Variants in MPP4 observed in about 807,000 individuals in gnomAD.
MPP4 encodes MAGUK p55 subfamily member 4.
Under a neutral mutation model 98.3 loss-of-function variants are expected in MPP4, and 91 were observed. The ratio of observed to expected loss-of-function variants is 0.93; its 90% CI spans 0.78 to 1.10. The LOEUF (loss-of-function observed/expected upper bound fraction) is 1.10. Among genes scored for constraint, MPP4 ranks in the 50% least tolerant of loss-of-function variants. The pLI, the probability that MPP4 is intolerant of heterozygous loss-of-function variation, is 0.00. For synonymous variants in MPP4, 261 were observed against 271.8 expected (o/e 0.96, Z 0.39); for missense variants, 744 against 792.9 (o/e 0.94, Z 0.74).
rs1689109946 is a variant in MPP4 at position 201,694,061 on chromosome 2, T to C, written c.-100-7A>G. The C allele has an allele frequency of 3.1e-6, 5 of 1,604,496 alleles. No individual in the cohort carries two copies. The highest frequency in any genetic ancestry group is 4.3e-6 in the Non-Finnish European group (5 of 1,175,042). ...GCCACCAGCTCTCAGCACACTGGAATATATTTTCAATAGCATTTCCTCAGC... is the reference window on the plus strand; with the variant it reads ...GCCACCAGCTCTCAGCACACTGGAACATATTTTCAATAGCATTTCCTCAGC... On this transcript the variant is annotated splice_region_variant and splice_polypyrimidine_tract_variant and intron_variant, in intron 1 of 21. Coordinates refer to ENST00000409474, the MANE Select transcript of MPP4 (RefSeq NM_033066.3).
At chr2:201,647,194 C>T (rs1279478235) in intron 21 of MPP4, among the ~76,000 whole-genome samples, 1 of 152,148 alleles carries the variant, frequency 6.6e-6, no homozygotes, top group South Asian at 2.1e-4. Context: ...TCTATTATTA[C>T]CATCATCATT....
At chr2:201,649,552 A>G in intron 20 of MPP4, 24 bp downstream of exon 20, 1 of 1,536,498 alleles carries the variant, frequency 6.5e-7, no homozygotes, top group Non-Finnish European at 8.9e-7. Flanking sequence ...GTTTGGGGAC[A>G]TAAATATTCC....
At chr2:201,685,624 A>G (rs139693265) in intron 6 of MPP4, among the ~76,000 whole-genome samples, 81 of 152,394 alleles carry the variant, frequency 5.3e-4, no homozygotes, top group South Asian at 2.1e-3. Context: ...TGCATAGGTC[A>G]GAAAGCCAAA....
chr2:201,658,405 A>T lies in MPP4; in HGVS notation c.1129+72T>A, dbSNP rs1687920089. On this transcript the variant is annotated intron_variant, in intron 16 of 21. Coordinates refer to ENST00000409474, the MANE Select transcript of MPP4 (RefSeq NM_033066.3). ...ATGTTCATTAGCAAAAGAAACTTTC[A>T]AAACAGTGTCAGGTTTGGAAACATA... 4 of 1,330,792 alleles carry T rather than the reference A, an allele frequency of 3.0e-6. No homozygotes were observed. The African/African-American group carries it at 5.9e-5, about 19-fold the overall frequency. 82.4% of individuals were successfully genotyped at this position (1,330,792 alleles called of 1,614,324 possible). A position where few individuals can be genotyped will look rare whatever the true frequency, so the allele number is the denominator to read the frequency against.
chr2:201,654,812 A>T lies in MPP4; in HGVS notation c.1381+25T>A, dbSNP rs1164329561. ...AGAAAGTTTTACCAAAACACAAACC[A>T]TTATGAAAGCAGAACTAAACATACG... On this transcript the variant is annotated intron_variant, in intron 18 of 21. Transcript: ENST00000409474. The T allele has an allele frequency of 1.9e-6, 3 of 1,556,720 alleles. No homozygotes were observed. In the East Asian group the frequency reaches 6.9e-5, roughly 36 times the overall value.
chr2:201,683,026 T>C lies in MPP4; in HGVS notation c.575-110A>G, dbSNP rs1688707655. On this transcript the variant is annotated intron_variant, in intron 7 of 21. Coordinates refer to ENST00000409474, the MANE Select transcript of MPP4 (RefSeq NM_033066.3). ...CACTAACCCAAGCATGCTCTAAAAA[T>C]GTTTAATATAAAATAATAATAGAAA... 3 of 720,748 alleles carry C rather than the reference T, an allele frequency of 4.2e-6. No homozygotes were observed. The South Asian group carries it at 5.6e-5, about 13-fold the overall frequency. The allele number at this position is 720,748 out of a possible 1,614,324, so 44.6% of individuals were successfully genotyped here. A position where few individuals can be genotyped will look rare whatever the true frequency, so the allele number is the denominator to read the frequency against.
intron 18 of MPP4, chr2:201,651,435 C>T (rs1687710058): frequency 1.0e-6 from 1 of 985,386 alleles, no homozygotes; most frequent in Non-Finnish European, 1.2e-6. Context: ...AATCTAAACC[C>T]AAGATGACTC....
chr2:201,685,199 G>A (rs1324291343), intron 6 of MPP4, 54 bp from the exon 7 acceptor site: 1 of 1,431,620 alleles, frequency 7.0e-7, no homozygotes, highest in East Asian at 2.5e-5. Flanking sequence ...CATTTTCCAG[G>A]TGGCTTCCCT....
At chr2:201,650,262 G>T in intron 18 of MPP4, 97 bp from the exon 19 acceptor site, 2 of 1,457,766 alleles carry the variant, frequency 1.4e-6, no homozygotes, top group South Asian at 1.4e-5. Context: ...ATAAATAAAT[G>T]AATATATAAT....
chr2:201,693,302 C>A (rs985925302), intron 2 of MPP4, among the ~76,000 whole-genome samples: 1 of 152,118 alleles, frequency 6.6e-6, no homozygotes, highest in Non-Finnish European at 1.5e-5. Flanking sequence ...AATAATAGAT[C>A]GTGATGTGCA....
chr2:201,697,998 G>A (rs986870763), intron 1 of MPP4: 6 of 985,192 alleles, frequency 6.1e-6, no homozygotes, highest in African/African-American at 1.7e-5. Context: ...TATCTTGAGA[G>A]TGAGAATTCT....
chr2:201,656,602 T>C lies in MPP4; in HGVS notation c.1130-234A>G, dbSNP rs918069568. Among the ~76,000 whole-genome samples the C allele has an allele frequency of 3.9e-5, 6 of 152,358 alleles. No homozygotes were observed. The East Asian group carries it at 7.7e-4, about 20-fold the overall frequency. On this transcript the variant is annotated intron_variant, in intron 16 of 21. Coordinates refer to ENST00000409474, the MANE Select transcript of MPP4 (RefSeq NM_033066.3). Reference sequence around the variant, plus strand: ...CATTGTCTTGGGTGCTGGCGATAGATGGCTCAACTAATCCAAGGCCACTTT... The same window carrying C: ...CATTGTCTTGGGTGCTGGCGATAGACGGCTCAACTAATCCAAGGCCACTTT...
chr2:201,698,445 A>T, intron 1 of MPP4, 142 bp downstream of exon 1: 1 of 526,622 alleles, frequency 1.9e-6, no homozygotes, highest in Non-Finnish European at 3.1e-6. Context: ...AATTCCCCAT[A>T]TCATTTGAGT....
At chr2:201,688,931 A>G (rs539141810) in intron 4 of MPP4, among the ~76,000 whole-genome samples, 38 of 152,268 alleles carry the variant, frequency 2.5e-4, no homozygotes, top group Middle Eastern at 3.4e-3. Flanking sequence ...GAATTTAAAC[A>G]ATAACAAGGG....
chr2:201,696,852 TTACAG>T (rs1311070824), intron 1 of MPP4, among the ~76,000 whole-genome samples: 3 of 152,200 alleles, frequency 2.0e-5, no homozygotes, highest in Non-Finnish European at 4.4e-5. Context: ...AAAACAATAA[TTACAG>T]TAATCTACAA....
In MPP4 at chr2:201,681,042, C is replaced by G. The variant is rs141038710; in HGVS notation, c.733-8G>C. ...CATGGCACGGACGTACACCTGATGG[C>G]AGGTGCATAATGACGCTATCAGAAG... is the stretch of plus-strand genomic sequence containing the variant. On this transcript the variant is annotated splice_region_variant and splice_polypyrimidine_tract_variant and intron_variant, in intron 9 of 21. Coordinates refer to ENST00000409474, the MANE Select transcript of MPP4 (RefSeq NM_033066.3). The G allele has an allele frequency of 2.6e-5, 42 of 1,605,488 alleles. No individual in the cohort carries two copies. The African/African-American group carries it at 4.8e-4, about 18-fold the overall frequency.
intron 14 of MPP4, among the ~76,000 whole-genome samples, chr2:201,660,931 GTTTGT>G (rs1490960818): frequency 6.6e-6 from 1 of 151,820 alleles, no homozygotes; most frequent in Admixed American, 6.6e-5. Flanking sequence ...CTGTTTTTTG[GTTTGT>G]TTTGAGATGC....
chr2:201,677,596 T>C (rs1688541169), intron 10 of MPP4, among the ~76,000 whole-genome samples: 1 of 152,170 alleles, frequency 6.6e-6, no homozygotes, highest in Non-Finnish European at 1.5e-5. Context: ...GTTTAAAAAA[T>C]ATTTTATGCG....
chr2:201,652,249 A>G (rs1687733575), intron 18 of MPP4, among the ~76,000 whole-genome samples: 1 of 152,112 alleles, frequency 6.6e-6, no homozygotes, highest in Non-Finnish European at 1.5e-5. Context: ...ACTTGAGTTC[A>G]GGAGTTGGAG....
Sources: gnomAD v4.1 joint callset for allele counts (sites outside exome capture counted in the v4.1 genomes callset) on GRCh38, gnomAD v4.1.1 for gene constraint, MANE v1.5 for transcripts, NCBI Gene and HGNC (gene_info 2026-07-23, HGNC 2026-07-21) for gene names.